Variants in SGPP1 observed in about 807,000 individuals in gnomAD.
The protein encoded by SGPP1 is sphingosine-1-phosphate phosphatase 1.
A neutral mutation model predicts 33.0 loss-of-function variants in SGPP1; 21 were observed. The ratio of observed to expected loss-of-function variants is 0.64; its 90% CI spans 0.45 to 0.92. The LOEUF (loss-of-function observed/expected upper bound fraction) is 0.92, where lower values mean the gene tolerates loss of function less well. Among genes scored for constraint, SGPP1 ranks in the 40% least tolerant of loss-of-function variants. SGPP1 has a pLI of 0.00. For synonymous variants in SGPP1, 239 were observed against 241.2 expected (o/e 0.99, Z 0.08); for missense variants, 543 against 589.4 (o/e 0.92, Z 0.81).
chr14:63,725,152 C>A (rs1885853519), intron 1 of SGPP1, among the ~76,000 whole-genome samples: 1 of 152,166 alleles, frequency 6.6e-6, no homozygotes, highest in East Asian at 1.9e-4. Flanking sequence ...ATGGGTGGAT[C>A]CCCTGAGGTC....
intron 2 of SGPP1, among the ~76,000 whole-genome samples, chr14:63,691,791 A>G (rs894455946): frequency 3.3e-5 from 5 of 152,194 alleles, no homozygotes; most frequent in Admixed American, 1.3e-4. Flanking sequence ...TTTATTACAT[A>G]CTGCATATTT....
At chr14:63,694,123 G>GA (rs1222592496) in intron 2 of SGPP1, among the ~76,000 whole-genome samples, 1 of 151,660 alleles carries the variant, frequency 6.6e-6, no homozygotes, top group East Asian at 1.9e-4. Context: ...CTTCCAAAAA[G>GA]AAAAAATAGA....
At chr14:63,725,737 CA>C (rs1356673069) in intron 1 of SGPP1, among the ~76,000 whole-genome samples, 1 of 152,014 alleles carries the variant, frequency 6.6e-6, no homozygotes, top group Non-Finnish European at 1.5e-5. Context: ...AAATAAAGAG[CA>C]AAAATAGCTA....
In SGPP1 at chr14:63,727,845, G is replaced by A; in HGVS notation, c.100C>T (p.Arg34Cys). 2 of 1,518,812 alleles carry A rather than the reference G, an allele frequency of 1.3e-6. No homozygotes were observed. The allele number at this position is 1,518,812 out of a possible 1,614,324, so 94.1% of individuals were successfully genotyped here. The change falls in exon 1 of 3, where the codon CGC becomes TGC. Residue 34 changes from arginine (R) to cysteine (C), a missense_variant. Arg to Cys is a radical substitution (Grantham distance 180). Transcript: ENST00000247225. ...QRLCGVEAPPRRSADRREDEK... is the reference protein window; with the variant it reads ...QRLCGVEAPPCRSADRREDEK... ...TCCTCCCTCCGGTCTGCTGAGCGGCGCGGCGGCGCTTCCACCCCGCACAGC... is the reference window on the plus strand; with the variant it reads ...TCCTCCCTCCGGTCTGCTGAGCGGCACGGCGGCGCTTCCACCCCGCACAGC...
At chr14:63,702,175 C>CATTT (rs1885313924) in intron 1 of SGPP1, among the ~76,000 whole-genome samples, 1 of 152,094 alleles carries the variant, frequency 6.6e-6, no homozygotes, top group African/African-American at 2.4e-5. Context: ...ACTTAACCCA[C>CATTT]ATTTATTCAA....
chr14:63,699,354 A>T (rs1186283272), intron 1 of SGPP1, among the ~76,000 whole-genome samples: 3 of 152,046 alleles, frequency 2.0e-5, no homozygotes, highest in Non-Finnish European at 4.4e-5. Flanking sequence ...GAAAGAGGAA[A>T]GGATGGATGG....
chr14:63,696,624 G>A (rs1470126359), intron 2 of SGPP1, among the ~76,000 whole-genome samples: 3 of 152,192 alleles, frequency 2.0e-5, no homozygotes, highest in Non-Finnish European at 4.4e-5. Context: ...AGAAGTGTAT[G>A]TAAATTCACA....
chr14:63,698,120 G>A (rs1294888352), intron 2 of SGPP1, among the ~76,000 whole-genome samples: 4 of 152,128 alleles, frequency 2.6e-5, no homozygotes, highest in Non-Finnish European at 4.4e-5. Flanking sequence ...CATACTGATG[G>A]GAAAGAAAAG....
intron 2 of SGPP1, among the ~76,000 whole-genome samples, chr14:63,695,675 G>T (rs1239382822): frequency 1.3e-5 from 2 of 152,182 alleles, no homozygotes; most frequent in Non-Finnish European, 2.9e-5. Context: ...ACCTTGAGAG[G>T]TTGAGGTGGA....
At chr14:63,698,770 T>G (rs557867501) in intron 1 of SGPP1, 112 bp from the exon 2 acceptor site, 14 of 511,666 alleles carry the variant, frequency 2.7e-5, no homozygotes, top group Non-Finnish European at 4.7e-5. Context: ...ACAAGAAATT[T>G]GTTTTTACTC....
At chr14:63,726,702 C>T (rs1164443478) in intron 1 of SGPP1, among the ~76,000 whole-genome samples, 1 of 152,186 alleles carries the variant, frequency 6.6e-6, no homozygotes, top group Non-Finnish European at 1.5e-5. Context: ...AAACAGAACT[C>T]ACCCTGTGCT....
rs535710493 is a variant in SGPP1, at chr14:63,691,487, T to C, written c.775-4831A>G. ...AGGCATCTACCTCCTCCATAAACTT[T>C]CTTCTCCTACCCTGTAATAAGAAAT... On this transcript the variant is annotated intron_variant, in intron 2 of 2. Transcript: ENST00000247225. Among the ~76,000 whole-genome samples the C allele has an allele frequency of 2.0e-5, 3 of 152,322 alleles. No individual in the cohort carries two copies. In the South Asian group the frequency reaches 6.2e-4, roughly 32 times the overall value.
chr14:63,712,345 G>A (rs1885540528), intron 1 of SGPP1, among the ~76,000 whole-genome samples: 1 of 151,572 alleles, frequency 6.6e-6, no homozygotes, highest in Non-Finnish European at 1.5e-5. Context: ...TTCATTTTAT[G>A]ATACTGTCCA....
intron 1 of SGPP1, among the ~76,000 whole-genome samples, chr14:63,717,261 T>G (rs1199591732): frequency 4.8e-5 from 7 of 146,304 alleles, no homozygotes; most frequent in Admixed American, 2.7e-4. Flanking sequence ...AAAAAAAGAA[T>G]AGAGCTTCAG....
intron 1 of SGPP1, among the ~76,000 whole-genome samples, chr14:63,709,190 C>T (rs1335459910): frequency 1.3e-5 from 2 of 152,042 alleles, no homozygotes; most frequent in Non-Finnish European, 2.9e-5. Context: ...GCTTGGCCAA[C>T]ATAGTGAAAC....
Position 63,728,032 on chromosome 14 carries a change from A to G in SGPP1, c.-88T>C, listed in dbSNP as rs2139660130. On this transcript the variant is annotated 5_prime_UTR_variant, in exon 1 of 3. Coordinates refer to ENST00000247225, the MANE Select transcript of SGPP1 (RefSeq NM_030791.4). ...CCTGGCCAGCGGCAGCGGAACCGGC[A>G]CAGCGCTCTACCCTCCGGAGTCTGC... 7.4e-7 allele frequency: 1 copy of G among 1,355,474 alleles called. No individual in the cohort carries two copies. The allele number at this position is 1,355,474 out of a possible 1,614,324, so 84.0% of individuals were successfully genotyped here. A position where few individuals can be genotyped will look rare whatever the true frequency, so the allele number is the denominator to read the frequency against.
chr14:63,693,321 C>T (rs1178272359), intron 2 of SGPP1, among the ~76,000 whole-genome samples: 1 of 152,200 alleles, frequency 6.6e-6, no homozygotes, highest in Non-Finnish European at 1.5e-5. Context: ...CCCTTACTTC[C>T]CTACCTTGTA....
intron 2 of SGPP1, among the ~76,000 whole-genome samples, chr14:63,690,317 A>G (rs913033915): frequency 1.3e-5 from 2 of 152,234 alleles, no homozygotes; most frequent in Admixed American, 6.5e-5. Flanking sequence ...TGTTGGGATT[A>G]CAGCTGTGAG....
chr14:63,728,047 C>A lies in SGPP1; in HGVS notation c.-103G>T. On this transcript the variant is annotated 5_prime_UTR_variant, in exon 1 of 3. Transcript: ENST00000247225. ...CGGAACCGGCACAGCGCTCTACCCT[C>A]CGGAGTCTGCCGGGTGACGGCGCCA... 3 of 1,195,120 alleles carry A rather than the reference C, an allele frequency of 2.5e-6. No homozygotes were observed. The highest frequency in any genetic ancestry group is 3.2e-6 in the Non-Finnish European group (3 of 945,186). The allele number at this position is 1,195,120 out of a possible 1,614,324, so 74.0% of individuals were successfully genotyped here.
Sources: allele counts gnomAD v4.1 joint callset (sites outside exome capture counted in the v4.1 genomes callset), GRCh38; gene constraint gnomAD v4.1.1; transcripts MANE v1.5; gene names NCBI Gene and HGNC (gene_info 2026-07-23, HGNC 2026-07-21).